Variants in PTCHD4 observed in about 807,000 individuals in gnomAD.
PTCHD4 encodes patched domain containing 4.
Under a neutral mutation model 58.1 loss-of-function variants are expected in PTCHD4, and 33 were observed. That is an observed-to-expected ratio of 0.57 (90% CI 0.43 to 0.76). The LOEUF (loss-of-function observed/expected upper bound fraction) is 0.76, where lower values mean the gene tolerates loss of function less well. PTCHD4 is among the 30% of genes least tolerant of loss of function. The pLI is 0.00. For synonymous variants in PTCHD4, 478 were observed against 409.6 expected (o/e 1.17, Z -2.02); for missense variants, 1,058 against 1,027.1 (o/e 1.03, Z -0.41).
At chr6:48,026,486 C>A (rs1763250372) in intron 3 of PTCHD4, among the ~76,000 whole-genome samples, 1 of 152,064 alleles carries the variant, frequency 6.6e-6, no homozygotes, top group Non-Finnish European at 1.5e-5. Flanking sequence ...TTCCCATCAA[C>A]TTCTCTCCTC....
intron 4 of PTCHD4, among the ~76,000 whole-genome samples, chr6:47,942,253 G>C (rs1766259556): frequency 6.6e-6 from 1 of 152,158 alleles, no homozygotes; most frequent in African/African-American, 2.4e-5. Flanking sequence ...ATACATCCTA[G>C]ACAATGACAC....
chr6:48,096,048 C>A (rs1421069337), intron 1 of PTCHD4, among the ~76,000 whole-genome samples: 1 of 152,180 alleles, frequency 6.6e-6, no homozygotes, highest in Non-Finnish European at 1.5e-5. Context: ...ATGGTCTCTT[C>A]TCTAGAAGCT....
chr6:47,918,609 G>A (rs1042781834), intron 4 of PTCHD4, among the ~76,000 whole-genome samples: 2 of 152,124 alleles, frequency 1.3e-5, no homozygotes, highest in Non-Finnish European at 2.9e-5. Flanking sequence ...TGCTGTAGCG[G>A]TCATTCATTA....
At chr6:48,026,757 G>A (rs1235278552) in intron 3 of PTCHD4, among the ~76,000 whole-genome samples, 1 of 152,030 alleles carries the variant, frequency 6.6e-6, no homozygotes, top group Non-Finnish European at 1.5e-5. Flanking sequence ...ATGGGCTTTG[G>A]AGACACCTAG....
At chr6:48,076,032 T>C (rs1374407800) in intron 1 of PTCHD4, among the ~76,000 whole-genome samples, 1 of 152,238 alleles carries the variant, frequency 6.6e-6, no homozygotes, top group Non-Finnish European at 1.5e-5. Flanking sequence ...ATTGGAGTCA[T>C]TCCTCTCAAA....
chr6:47,965,914 C>T (rs1187589631), intron 4 of PTCHD4, among the ~76,000 whole-genome samples: 1 of 151,602 alleles, frequency 6.6e-6, no homozygotes, highest in Non-Finnish European at 1.5e-5. Context: ...GACTCCATCT[C>T]AAAAAAACCA....
intron 4 of PTCHD4, among the ~76,000 whole-genome samples, chr6:48,003,061 C>G (rs912526253): frequency 1.1e-4 from 17 of 152,116 alleles, no homozygotes; most frequent in Non-Finnish European, 2.1e-4. Context: ...CCTGATCCTT[C>G]TTAGTGTCAT....
chr6:48,008,298 C>T (rs1330576076), intron 4 of PTCHD4, among the ~76,000 whole-genome samples: 1 of 152,202 alleles, frequency 6.6e-6, no homozygotes, highest in Non-Finnish European at 1.5e-5. Flanking sequence ...ATATGGACCA[C>T]AAAATTTTGC....
intron 4 of PTCHD4, among the ~76,000 whole-genome samples, chr6:47,936,544 C>T (rs1766005390): frequency 6.6e-6 from 1 of 152,144 alleles, no homozygotes; most frequent in Non-Finnish European, 1.5e-5. Context: ...AATGGCAAAT[C>T]CAGAATTTCA....
At chr6:48,080,971 C>T (rs1293354507) in intron 1 of PTCHD4, among the ~76,000 whole-genome samples, 3 of 152,078 alleles carry the variant, frequency 2.0e-5, no homozygotes, top group Non-Finnish European at 2.9e-5. Context: ...AGGATCTAAA[C>T]AAAGTTCATT....
At chr6:48,006,633 C>T (rs1762449058) in intron 4 of PTCHD4, among the ~76,000 whole-genome samples, 1 of 151,952 alleles carries the variant, frequency 6.6e-6, no homozygotes, top group South Asian at 2.1e-4. Context: ...TCATTGGTGA[C>T]AAGAATTTTT....
intron 3 of PTCHD4, among the ~76,000 whole-genome samples, chr6:48,037,573 C>T (rs1763684617): frequency 6.6e-6 from 1 of 152,104 alleles, no homozygotes; most frequent in East Asian, 1.9e-4. Context: ...CAGACATGCA[C>T]TGTGAACTTC....
rs140325478 is a variant in PTCHD4, at chr6:47,909,676, C to T, written c.899-29740G>A. On this transcript the variant is annotated intron_variant, in intron 4 of 4. Transcript: ENST00000339488. ...TAGGCTGGCCTCAAACTTCTGGCTT[C>T]AAGTGATCCTTCTGCCTTGGCCTCC... 3.3e-5 allele frequency among the ~76,000 whole-genome samples: 5 copies of T among 152,176 alleles called. No individual in the cohort carries two copies. In the East Asian group the frequency reaches 7.7e-4, roughly 24 times the overall value.
chr6:47,985,000 C>T (rs1463860847), intron 4 of PTCHD4, among the ~76,000 whole-genome samples: 1 of 152,036 alleles, frequency 6.6e-6, no homozygotes, highest in Non-Finnish European at 1.5e-5. Flanking sequence ...CAGTGAAATG[C>T]ATTGGGAATT....
intron 4 of PTCHD4, among the ~76,000 whole-genome samples, chr6:47,985,248 A>G (rs1246826297): frequency 6.6e-6 from 1 of 152,096 alleles, no homozygotes; most frequent in Admixed American, 6.5e-5. Flanking sequence ...TTGATTCTCT[A>G]TGCCTTAAAT....
Position 47,968,009 on chromosome 6 carries a change from C to T in PTCHD4, c.898+40625G>A, listed in dbSNP as rs867423995. Among the ~76,000 whole-genome samples the T allele has an allele frequency of 7.9e-5, 12 of 152,300 alleles. 1 individual carries two copies. In the Middle Eastern group the frequency reaches 0.027, roughly 345 times the overall value. On this transcript the variant is annotated intron_variant, in intron 4 of 4. Transcript: ENST00000339488. ...TCTAAGAACTTTTCCTTTGCATTTA[C>T]AACTTGGCTAGCTGGCGCAAGATGA...
chr6:47,994,943 C>A (rs997731291), intron 4 of PTCHD4, among the ~76,000 whole-genome samples: 2 of 151,860 alleles, frequency 1.3e-5, no homozygotes, highest in Non-Finnish European at 2.9e-5. Context: ...AATAACACAA[C>A]CAAAAAGAAA....
intron 3 of PTCHD4, among the ~76,000 whole-genome samples, chr6:48,019,274 G>T (rs182825905): frequency 6.6e-6 from 1 of 152,204 alleles, no homozygotes; most frequent in African/African-American, 2.4e-5. Context: ...CACATGCTCT[G>T]TGCTATACCG....
At chr6:47,980,868 A>G (rs1398174165) in intron 4 of PTCHD4, among the ~76,000 whole-genome samples, 1 of 151,866 alleles carries the variant, frequency 6.6e-6, no homozygotes, top group Non-Finnish European at 1.5e-5. Flanking sequence ...ACATTTTAAT[A>G]TTTATAATAG....
Sources: allele counts gnomAD v4.1 joint callset (sites outside exome capture counted in the v4.1 genomes callset), GRCh38; gene constraint gnomAD v4.1.1; transcripts MANE v1.5; gene names NCBI Gene and HGNC (gene_info 2026-07-23, HGNC 2026-07-21).